The following CP variants were observed in gnomAD, a reference collection of about 807,000 sequenced individuals.
The protein encoded by CP is ceruloplasmin.
A neutral mutation model predicts 122.4 loss-of-function variants in CP; 64 were observed. The ratio of observed to expected loss-of-function variants is 0.52; its 90% CI spans 0.43 to 0.64. CP has a LOEUF of 0.64. Ranked by LOEUF, CP falls within the 30% of genes least tolerant of loss-of-function variation. The probability of loss-of-function intolerance (pLI) is 0.00; values close to 1 mark genes in which losing one functional copy is unlikely to be tolerated. For missense variants in CP, 1,167 were observed against 1,284.4 expected, an observed-to-expected ratio of 0.91 and a Z score of 1.40; for synonymous variants, 440 against 436.4, an observed-to-expected ratio of 1.01 and a Z score of -0.10.
At chr3:149,213,318 C>T (rs16861633) in intron 1 of CP, among the ~76,000 whole-genome samples, 3,177 of 152,168 alleles carry the variant, frequency 0.021, 119 homozygotes, top group African/African-American at 0.074. Flanking sequence ...TTTTTAATCC[C>T]TCACTAGTAC....
intron 1 of CP, among the ~76,000 whole-genome samples, chr3:149,215,367 A>G (rs2108308780): frequency 6.6e-6 from 1 of 152,308 alleles, no homozygotes. Flanking sequence ...TATATTGCCT[A>G]GGCTTTGTAA....
At position 149,177,845 on chromosome 3, in the gene CP, A is replaced by G. The variant is rs140673443; in HGVS notation, c.3013T>C (p.Tyr1005His). 1.2e-6 allele frequency: 2 copies of G among 1,613,558 alleles called. No homozygotes were observed. Among genetic ancestry groups the G allele is most frequent in the African/African-American group, 2.7e-5 (2 of 74,892 alleles). Reference sequence around the variant, plus strand: ...TTGCCATGGATAGCTCTTACCTTGTATTGGAAGCTATGGCCGTGAAAATGT... The same window carrying G: ...TTGCCATGGATAGCTCTTACCTTGTGTTGGAAGCTATGGCCGTGAAAATGT... ...TVHFHGHSFQYKHRGVYSSDV... is the reference protein window; with the variant it reads ...TVHFHGHSFQHKHRGVYSSDV... The change falls in exon 17 of 19, where the codon TAC becomes CAC. Residue 1005 changes from tyrosine to histidine, a missense_variant. Tyr to His is a moderately conservative substitution (Grantham distance 83). Around this residue, in one of 2 missense-constraint regions of CP, gnomAD observed 525 missense variants for 657.2 expected, o/e 0.80. Coordinates refer to ENST00000264613, the MANE Select transcript of CP (RefSeq NM_000096.4).
Position 149,181,994 on chromosome 3 carries a change from C to G in CP, c.2554+11G>C, listed in dbSNP as rs778316366. The G allele has an allele frequency of 9.6e-7, 1 of 1,036,640 alleles. No individual in the cohort carries two copies. 64.2% of individuals were successfully genotyped at this position (1,036,640 alleles called of 1,614,324 possible). A position where few individuals can be genotyped will look rare whatever the true frequency, so the allele number is the denominator to read the frequency against. ...AAAATGCACCACCCCCACCCCCGCC[C>G]CCGTGAGTACCTGGTAATGTTGGAG... On this transcript the variant is annotated intron_variant, in intron 14 of 18. Transcript: ENST00000264613.
intron 12 of CP, among the ~76,000 whole-genome samples, chr3:149,184,162 G>C (rs1214696290): frequency 6.7e-6 from 1 of 148,386 alleles, no homozygotes; most frequent in Non-Finnish European, 1.5e-5. Context: ...CAGCCTCCGA[G>C]TAGCTGGGAC....
At chr3:149,212,142 A>T (rs183191821) in intron 2 of CP, among the ~76,000 whole-genome samples, 56 of 151,912 alleles carry the variant, frequency 3.7e-4, no homozygotes, top group Admixed American at 1.8e-3. Flanking sequence ...AAATGCAAAA[A>T]AAAAATAAAA....
chr3:149,169,702 A>T (rs116754581), downstream of CP, among the ~76,000 whole-genome samples: 3,426 of 152,288 alleles, frequency 0.022, 89 homozygotes, highest in African/African-American at 0.063. Context: ...CAACTGCCAC[A>T]CTAATGCAGA....
In CP at chr3:149,210,311, A is replaced by G; in HGVS notation, c.463T>C (p.Tyr155His). The G allele has an allele frequency of 6.2e-7, 1 of 1,614,096 alleles. No individual in the cohort carries two copies. The highest frequency in any genetic ancestry group is 8.5e-7 in the Non-Finnish European group (1 of 1,179,970). Reference protein sequence around the residue: ...ADDKVYPGEQYTYMLLATEEQ... With the variant: ...ADDKVYPGEQHTYMLLATEEQ... ...TCAGTGGCAAGCAACATGTATGTAT[A>G]CTGCTCTCCTGGATATACTTTGTCA... The change falls in exon 3 of 19, where the codon TAT becomes CAT. Residue 155 changes from tyrosine (Y) to histidine (H), a missense_variant. Around this residue, in one of 2 missense-constraint regions of CP, gnomAD observed 642 missense variants for 627.3 expected, o/e 1.02. Coordinates refer to ENST00000264613, the MANE Select transcript of CP (RefSeq NM_000096.4).
At chr3:149,212,317 AAT>A in intron 2 of CP, 132 bp downstream of exon 2, 2 of 978,598 alleles carry the variant, frequency 2.0e-6, no homozygotes, top group South Asian at 1.9e-5. Context: ...ATTAAAAAAA[AAT>A]AAAAAAAAAA....
rs1726113596 is a variant in CP, at chr3:149,185,585, C to T, written c.2078-139G>A. ...TCCACACCTTCTGCTCACCCTGCTC[C>T]ATCCATCCTTTTGCTGTTCTTAGAG... On this transcript the variant is annotated intron_variant, in intron 11 of 18. Coordinates refer to ENST00000264613, the MANE Select transcript of CP (RefSeq NM_000096.4). 3 of 752,498 alleles carry T rather than the reference C, an allele frequency of 4.0e-6. No homozygotes were observed. The South Asian group carries it at 5.2e-5, about 13-fold the overall frequency. 46.6% of individuals were successfully genotyped at this position (752,498 alleles called of 1,614,324 possible). A position where few individuals can be genotyped will look rare whatever the true frequency, so the allele number is the denominator to read the frequency against.
intron 9 of CP, among the ~76,000 whole-genome samples, chr3:149,188,409 A>G (rs999450551): frequency 7.5e-6 from 1 of 134,000 alleles, no homozygotes; most frequent in Non-Finnish European, 1.5e-5. Context: ...GTGGTTCAAT[A>G]TGGTAATCTG....
intron 3 of CP, among the ~76,000 whole-genome samples, chr3:149,209,663 C>T (rs546493079): frequency 7.9e-5 from 12 of 152,138 alleles, no homozygotes; most frequent in East Asian, 7.7e-4. Context: ...CAAAGTTGTG[C>T]GTCTATTTTC....
intron 9 of CP, among the ~76,000 whole-genome samples, chr3:149,192,272 G>C (rs544378241): frequency 6.6e-6 from 1 of 152,062 alleles, no homozygotes; most frequent in East Asian, 1.9e-4. Context: ...ATATGTTAAA[G>C]GTGACACTTC....
intron 4 of CP, chr3:149,167,192 G>C: frequency 1.9e-6 from 3 of 1,613,814 alleles, no homozygotes; most frequent in Non-Finnish European, 2.5e-6. Context: ...AGAGATGCCC[G>C]GAGGCAGTCA....
chr3:149,176,100 T>C, intron 18 of CP, 150 bp downstream of exon 18: 1 of 733,976 alleles, frequency 1.4e-6, no homozygotes, highest in Non-Finnish European at 2.3e-6. Flanking sequence ...AAAAAAATCC[T>C]GTTTGGAGGT....
At chr3:149,214,645 G>A (rs1046925243) in intron 1 of CP, among the ~76,000 whole-genome samples, 5 of 152,106 alleles carry the variant, frequency 3.3e-5, no homozygotes, top group African/African-American at 1.2e-4. Flanking sequence ...CTAATTGTTT[G>A]TTGCCATTTC....
At position 149,173,030 on chromosome 3, in the gene CP, C is replaced by T. The variant is rs1279381765; in HGVS notation, c.*684G>A. The T allele has an allele frequency of 6.6e-6, 1 of 152,474 alleles. No individual in the cohort carries two copies. The highest frequency in any genetic ancestry group is 1.5e-5 in the Non-Finnish European group (1 of 67,998). The allele number at this position is 152,474 out of a possible 1,614,324, so 9.4% of individuals were successfully genotyped here. A position where few individuals can be genotyped will look rare whatever the true frequency, so the allele number is the denominator to read the frequency against. Reference sequence around the variant, plus strand: ...TTCAAGTTTAGTTCATTGATATTATCCTCTGAATGCAGTTAAGGCTGGGCA... The same window carrying T: ...TTCAAGTTTAGTTCATTGATATTATTCTCTGAATGCAGTTAAGGCTGGGCA... On this transcript the variant is annotated 3_prime_UTR_variant, in exon 19 of 19. Coordinates refer to ENST00000264613, the MANE Select transcript of CP (RefSeq NM_000096.4).
intron 1 of CP, among the ~76,000 whole-genome samples, chr3:149,219,501 A>C (rs535297787): frequency 1.1e-4 from 16 of 152,190 alleles, no homozygotes; most frequent in Admixed American, 4.6e-4. Context: ...TTTATAAATG[A>C]GAGTTCCCCT....
At chr3:149,207,063 C>A (rs905297748) in intron 5 of CP, among the ~76,000 whole-genome samples, 12 of 152,076 alleles carry the variant, frequency 7.9e-5, no homozygotes, top group Admixed American at 1.3e-4. Flanking sequence ...GTGCAACATA[C>A]AATTTTTCTG....
In CP at chr3:149,212,315, A is replaced by T. The variant is rs574094979; in HGVS notation, c.394+136T>A. ...GACAGAAGTCAAAAAAAATTAAAAA[A>T]AAATAAAAAAAAAATAGTTAAGAGC... On this transcript the variant is annotated intron_variant, in intron 2 of 18. Coordinates refer to ENST00000264613, the MANE Select transcript of CP (RefSeq NM_000096.4). 161 of 969,076 alleles carry T rather than the reference A, an allele frequency of 1.7e-4. 1 individual carries two copies. In the African/African-American group the frequency reaches 2.0e-3, roughly 12 times the overall value. 60.0% of individuals were successfully genotyped at this position (969,076 alleles called of 1,614,324 possible).
Sources: allele counts gnomAD v4.1 joint callset (sites outside exome capture counted in the v4.1 genomes callset), GRCh38; gene constraint gnomAD v4.1.1; regional missense constraint gnomAD v4.1.1; transcripts MANE v1.5; gene names NCBI Gene and HGNC (gene_info 2026-07-23, HGNC 2026-07-21).